The following ADGRL4 variants were observed in gnomAD, a reference collection of about 807,000 sequenced individuals.
The protein encoded by ADGRL4 is adhesion G protein-coupled receptor L4.
In ADGRL4, 90 loss-of-function variants were observed where a neutral mutation model predicts 74.8. That is an observed-to-expected ratio of 1.20 (90% CI 1.02 to 1.43). The LOEUF is 1.43. Ranked by LOEUF, ADGRL4 falls within the 40% of genes most tolerant of loss-of-function variation. The probability of loss-of-function intolerance (pLI) is 0.00; values close to 1 mark genes in which losing one functional copy is unlikely to be tolerated. For missense variants in ADGRL4, 881 were observed against 814.3 expected, an observed-to-expected ratio of 1.08 and a Z score of -1.00; for synonymous variants, 311 against 279.2, an observed-to-expected ratio of 1.11 and a Z score of -1.14.
At chr1:78,978,510 C>T (rs959368742) in intron 2 of ADGRL4, among the ~76,000 whole-genome samples, 1 of 151,914 alleles carries the variant, frequency 6.6e-6, no homozygotes, top group Non-Finnish European at 1.5e-5. Flanking sequence ...ATTCCTCAGG[C>T]TATTTTTGCC....
In ADGRL4 at chr1:78,937,888, G is replaced by C. The variant is rs923734067; in HGVS notation, c.679C>G (p.His227Asp). Residue 227 changes from histidine to aspartate, a missense_variant, in exon 6 of 15, where the codon CAC (histidine) becomes GAC (aspartate). Coordinates refer to ENST00000370742, the MANE Select transcript of ADGRL4 (RefSeq NM_022159.4). ...CTTAAAGTAGCTTGTTCAACAGTGT[G>C]CATGAGTTTTGTAAGATGTGTTCTC... ...HRRTHLTKLM[H>D]TVEQATLRIS... The C allele has an allele frequency of 6.2e-7, 1 of 1,613,932 alleles. No individual in the cohort carries two copies. The highest frequency in any genetic ancestry group is 1.3e-5 in the African/African-American group (1 of 75,024).
intron 7 of ADGRL4, among the ~76,000 whole-genome samples, chr1:78,930,221 A>G (rs1319594081): frequency 6.6e-6 from 1 of 151,002 alleles, no homozygotes; most frequent in Non-Finnish European, 1.5e-5. Flanking sequence ...CATATAGGTA[A>G]AAATATATTA....
chr1:78,948,092 G>A (rs1257199223), intron 2 of ADGRL4, among the ~76,000 whole-genome samples: 2 of 152,030 alleles, frequency 1.3e-5, no homozygotes, highest in Non-Finnish European at 2.9e-5. Context: ...TTTTCTTTGT[G>A]GCATCAGATA....
At position 78,912,049 on chromosome 1, in the gene ADGRL4, A is replaced by G. The variant is rs139297897; in HGVS notation, c.1749+5585T>C. Among the ~76,000 whole-genome samples, 45 of 151,962 alleles carry G rather than the reference A, an allele frequency of 3.0e-4. 1 individual carries two copies. Among genetic ancestry groups the G allele is most frequent in the Non-Finnish European group, 5.0e-4 (34 of 67,878 alleles). On this transcript the variant is annotated intron_variant, in intron 12 of 14. Coordinates refer to ENST00000370742, the MANE Select transcript of ADGRL4 (RefSeq NM_022159.4). ...GCAGGGTGACCAAAAAGAGGGCCAC[A>G]AAGTTTTACAGTTCTAGAGTCCATC...
At chr1:78,976,312 A>C (rs1054340492) in intron 2 of ADGRL4, among the ~76,000 whole-genome samples, 2 of 152,024 alleles carry the variant, frequency 1.3e-5, no homozygotes, top group Non-Finnish European at 2.9e-5. Flanking sequence ...CTCATGTAGC[A>C]ACAGCTTCTG....
chr1:78,989,031 GTAAC>G (rs1650552380), intron 2 of ADGRL4, among the ~76,000 whole-genome samples: 1 of 151,500 alleles, frequency 6.6e-6, no homozygotes, highest in South Asian at 2.1e-4. Context: ...TATATTTTAA[GTAAC>G]TAATTTCAGT....
intron 2 of ADGRL4, among the ~76,000 whole-genome samples, chr1:78,985,953 T>C (rs752318448): frequency 6.6e-6 from 1 of 151,792 alleles, no homozygotes; most frequent in African/African-American, 2.4e-5. Flanking sequence ...TTCTCCCTTA[T>C]AAGTGGGAGC....
At chr1:78,954,584 A>C (rs972720085) in intron 2 of ADGRL4, among the ~76,000 whole-genome samples, 5 of 152,304 alleles carry the variant, frequency 3.3e-5, no homozygotes, top group African/African-American at 1.2e-4. Flanking sequence ...ATATTTTATT[A>C]ACAATAAACA....
At chr1:78,898,480 A>G (rs775384463) in intron 12 of ADGRL4, among the ~76,000 whole-genome samples, 21 of 151,964 alleles carry the variant, frequency 1.4e-4, no homozygotes, top group Non-Finnish European at 2.4e-4. Flanking sequence ...TGATTTGTAA[A>G]TGAATATTCC....
Position 78,927,082 on chromosome 1 carries a change from G to A in ADGRL4, c.887C>T (p.Ala296Val), listed in dbSNP as rs1357607643. The A allele has an allele frequency of 1.2e-5, 19 of 1,577,988 alleles. No homozygotes were observed. Among genetic ancestry groups the A allele is most frequent in the Non-Finnish European group, 1.5e-5 (17 of 1,150,520 alleles). Residue 296 changes from alanine (A) to valine (V), a missense_variant, in exon 8 of 15, where the codon GCA becomes GTA. Ala to Val is a moderately conservative substitution (Grantham distance 64, BLOSUM62 0). Transcript: ENST00000370742. ...KAAYDSNGNV[A>V]VAFVYYKSIG... is the part of the protein sequence containing the mutation. ...ACTCTTATAATATACAAATGCAACT[G>A]CAACATTGCCTATCAATCAAATAAG...
chr1:78,957,079 T>G (rs1314533094), intron 2 of ADGRL4, among the ~76,000 whole-genome samples: 5 of 152,196 alleles, frequency 3.3e-5, no homozygotes, highest in African/African-American at 1.2e-4. Context: ...TGTTTTGGGA[T>G]GCCATGAACC....
Position 78,891,072 on chromosome 1 carries a change from A to G in ADGRL4, c.*82T>C, listed in dbSNP as rs758062833. 3.0e-6 allele frequency: 4 copies of G among 1,345,326 alleles called. No individual in the cohort carries two copies. The highest frequency in any genetic ancestry group is 4.3e-6 in the Non-Finnish European group (4 of 937,766). The allele number at this position is 1,345,326 out of a possible 1,614,324, so 83.3% of individuals were successfully genotyped here. A position where few individuals can be genotyped will look rare whatever the true frequency, so the allele number is the denominator to read the frequency against. Reference sequence around the variant, plus strand: ...TAGTAGTTAATAATTGGATAATTTGATGAGTCATTTTTATACATTGGTCAT... The same window carrying G: ...TAGTAGTTAATAATTGGATAATTTGGTGAGTCATTTTTATACATTGGTCAT... On this transcript the variant is annotated 3_prime_UTR_variant, in exon 15 of 15. Coordinates refer to ENST00000370742, the MANE Select transcript of ADGRL4 (RefSeq NM_022159.4).
At chr1:78,953,780 G>A (rs1649776531) in intron 2 of ADGRL4, among the ~76,000 whole-genome samples, 1 of 152,178 alleles carries the variant, frequency 6.6e-6, no homozygotes, top group African/African-American at 2.4e-5. Flanking sequence ...GATGATGACT[G>A]TGTGATCATG....
chr1:78,939,321 T>C, intron 3 of ADGRL4, 63 bp from the exon 4 acceptor site: 2 of 1,348,752 alleles, frequency 1.5e-6, no homozygotes, highest in Non-Finnish European at 2.0e-6. Flanking sequence ...AAGCTGATCA[T>C]ATCAATCCCA....
intron 2 of ADGRL4, among the ~76,000 whole-genome samples, chr1:78,985,114 CTT>C (rs1301296092): frequency 6.6e-6 from 1 of 151,510 alleles, no homozygotes; most frequent in Non-Finnish European, 1.5e-5. Context: ...ATTTTAGTCT[CTT>C]TTTTCTTCTG....
chr1:78,957,202 A>G (rs1212617756), intron 2 of ADGRL4, among the ~76,000 whole-genome samples: 1 of 152,168 alleles, frequency 6.6e-6, no homozygotes, highest in Non-Finnish European at 1.5e-5. Context: ...TTCCTGAGAC[A>G]CAATAATACT....
intron 2 of ADGRL4, among the ~76,000 whole-genome samples, chr1:78,980,075 T>C (rs17102563): frequency 0.016 from 2,359 of 152,014 alleles, 61 homozygotes; most frequent in African/African-American, 0.054. Context: ...AATGTTTTAG[T>C]ATGTAGCTCA....
chr1:78,943,654 T>C (rs1373506676), intron 3 of ADGRL4, among the ~76,000 whole-genome samples: 1 of 152,158 alleles, frequency 6.6e-6, no homozygotes, highest in Non-Finnish European at 1.5e-5. Flanking sequence ...TAAGGTGATA[T>C]ACTAACGCAA....
rs144494711 is a variant in ADGRL4, at chr1:78,967,582, T to C, written c.173-21156A>G. 1.9e-3 allele frequency among the ~76,000 whole-genome samples: 284 copies of C among 152,256 alleles called. 2 individuals carry two copies. The highest frequency in any genetic ancestry group is 2.1e-3 in the East Asian group (11 of 5,176). ...TTCAGGGTTAAAGGATTGTATTCAGTCACATAAGATAAAGCTGAAGGTTCA... is the reference window on the plus strand; with the variant it reads ...TTCAGGGTTAAAGGATTGTATTCAGCCACATAAGATAAAGCTGAAGGTTCA... On this transcript the variant is annotated intron_variant, in intron 2 of 14. Coordinates refer to ENST00000370742, the MANE Select transcript of ADGRL4 (RefSeq NM_022159.4).
Sources: gnomAD v4.1 joint callset for allele counts (sites outside exome capture counted in the v4.1 genomes callset) on GRCh38, gnomAD v4.1.1 for gene constraint, MANE v1.5 for transcripts, NCBI Gene and HGNC (gene_info 2026-07-23, HGNC 2026-07-21) for gene names.